The following TMEM68 variants were observed in gnomAD, a reference collection of about 807,000 sequenced individuals.
TMEM68 encodes the protein transmembrane protein 68.
A neutral mutation model predicts 36.9 loss-of-function variants in TMEM68; 25 were observed. That is an observed-to-expected ratio of 0.68 (90% CI 0.49 to 0.95). The LOEUF (loss-of-function observed/expected upper bound fraction) is 0.95, where lower values mean the gene tolerates loss of function less well. TMEM68 is among the 40% of genes least tolerant of loss of function. TMEM68 has a pLI of 0.00. For synonymous variants in TMEM68, 131 were observed against 124.4 expected (o/e 1.05, Z -0.35); for missense variants, 333 against 392.0 (o/e 0.85, Z 1.27).
intron 3 of TMEM68, among the ~76,000 whole-genome samples, chr8:55,758,843 G>C (rs901164904): frequency 5.3e-5 from 8 of 152,034 alleles, no homozygotes; most frequent in African/African-American, 1.9e-4. Context: ...AAAGGATCTA[G>C]TGGAAAAGGT....
At chr8:55,765,238 T>C (rs1367676350) in intron 1 of TMEM68, among the ~76,000 whole-genome samples, 1 of 152,158 alleles carries the variant, frequency 6.6e-6, no homozygotes, top group Non-Finnish European at 1.5e-5. Context: ...CAGACCCTCT[T>C]CCATTAAACA....
rs1810848643 is a variant in TMEM68, at chr8:55,763,015, C to T, written c.-56G>A. ...TTCTTTCTTCATTGCCATAGCAGGT[C>T]GCTAATTTTGACACTAGAAGGGAAA... On this transcript the variant is annotated 5_prime_UTR_variant, in exon 3 of 8. Coordinates refer to ENST00000434581, the MANE Select transcript of TMEM68 (RefSeq NM_001286657.2). The T allele has an allele frequency of 4.0e-6, 6 of 1,516,460 alleles. No individual in the cohort carries two copies. The highest frequency in any genetic ancestry group is 2.3e-5 in the East Asian group (1 of 43,748). 93.9% of individuals were successfully genotyped at this position (1,516,460 alleles called of 1,614,324 possible).
rs151279599 is a variant in TMEM68, at chr8:55,747,771, A to G, written c.688-2650T>C. The G allele has an allele frequency of 1.4e-4, 22 of 152,332 alleles. 2 individuals carry two copies. The East Asian group carries it at 4.2e-3, about 29-fold the overall frequency. 9.4% of individuals were successfully genotyped at this position (152,332 alleles called of 1,614,324 possible). A position where few individuals can be genotyped will look rare whatever the true frequency, so the allele number is the denominator to read the frequency against. ...TAGTTTTGTAAAATAAAATATTAGT[A>G]TGGCTGAAATCCTAATGTTTTAAAT... On this transcript the variant is annotated intron_variant, in intron 5 of 7. Coordinates refer to ENST00000434581, the MANE Select transcript of TMEM68 (RefSeq NM_001286657.2).
intron 1 of TMEM68, among the ~76,000 whole-genome samples, chr8:55,765,016 G>A (rs933618970): frequency 5.3e-5 from 8 of 152,122 alleles, no homozygotes; most frequent in Non-Finnish European, 1.0e-4. Context: ...AGGTTGCAGC[G>A]AGCCGAGATT....
intron 1 of TMEM68, among the ~76,000 whole-genome samples, chr8:55,772,012 ACT>A (rs1419325028): frequency 2.0e-5 from 3 of 151,786 alleles, no homozygotes; most frequent in Non-Finnish European, 4.4e-5. Flanking sequence ...AAAATCTTCC[ACT>A]CTGTTTCATA....
intron 4 of TMEM68, among the ~76,000 whole-genome samples, chr8:55,753,445 T>C (rs1320328040): frequency 1.3e-5 from 2 of 152,244 alleles, no homozygotes; most frequent in African/African-American, 2.4e-5. Context: ...ATAATGATGT[T>C]CTGTTTTTTA....
At position 55,740,222 on chromosome 8, in the gene TMEM68, T is replaced by A. The variant is rs774769892; in HGVS notation, c.889-4A>T. The A allele has an allele frequency of 5.6e-6, 9 of 1,610,492 alleles. No homozygotes were observed. Among genetic ancestry groups the A allele is most frequent in the Non-Finnish European group, 7.6e-6 (9 of 1,178,104 alleles). On this transcript the variant is annotated splice_region_variant and splice_polypyrimidine_tract_variant and intron_variant, in intron 7 of 7. Transcript: ENST00000434581. The stretch of plus-strand genomic sequence containing the variant: ...AAGCTTGAACAGCATTCTTCGTCTA[T>A]TAAGAAAACAAAAGAAAAGCTATTG...
chr8:55,767,535 A>C (rs1811009850), intron 1 of TMEM68, among the ~76,000 whole-genome samples: 1 of 152,194 alleles, frequency 6.6e-6, no homozygotes, highest in African/African-American at 2.4e-5. Flanking sequence ...AGGAGGATAC[A>C]GGGTATAAGT....
At chr8:55,771,109 G>A (rs1166784802) in intron 1 of TMEM68, among the ~76,000 whole-genome samples, 4 of 149,822 alleles carry the variant, frequency 2.7e-5, no homozygotes, top group African/African-American at 2.5e-5. Flanking sequence ...AGCCAAGATC[G>A]CACCATTGCA....
Position 55,740,103 on chromosome 8 carries a change from T to A in TMEM68, c.*29A>T, listed in dbSNP as rs752248379. ...ATACAAACATTTAATATAAATGTACTAAATCATCTTCTAGTTGACCCTTTG... is the reference window on the plus strand; with the variant it reads ...ATACAAACATTTAATATAAATGTACAAAATCATCTTCTAGTTGACCCTTTG... On this transcript the variant is annotated 3_prime_UTR_variant, in exon 8 of 8. Coordinates refer to ENST00000434581, the MANE Select transcript of TMEM68 (RefSeq NM_001286657.2). 28 of 1,566,760 alleles carry A rather than the reference T, an allele frequency of 1.8e-5. No individual in the cohort carries two copies. The highest frequency in any genetic ancestry group is 4.1e-5 in the African/African-American group (3 of 73,808).
At chr8:55,747,520 T>C (rs761459345) in intron 5 of TMEM68, 1 of 152,154 alleles carries the variant, frequency 6.6e-6, no homozygotes, top group Non-Finnish European at 1.5e-5. Context: ...TTTGTAGAGA[T>C]GGGTTCTTGC....
Position 55,762,786 on chromosome 8 carries a change from G to C in TMEM68, c.174C>G (p.Tyr58Ter), listed in dbSNP as rs754953539. The change falls in exon 3 of 8, where the codon TAC becomes TAG. Residue 58 changes from tyrosine (Y) to a stop codon, truncating the protein, a stop_gained. Coordinates refer to ENST00000434581, the MANE Select transcript of TMEM68 (RefSeq NM_001286657.2). LOFTEE classifies it high-confidence loss of function. ...TAAGGTAGAGAAGAAAGATAGTAAA[G>C]TAAGGAAGTATTAAAAGTATTAGTG... ...FTPLILLILP[Y>*]FTIFLLYLTI... 6.2e-7 allele frequency: 1 copy of C among 1,614,026 alleles called. No homozygotes were observed. The highest frequency in any genetic ancestry group is 1.1e-5 in the South Asian group (1 of 91,064).
chr8:55,752,039 C>A (rs1810438891), intron 4 of TMEM68, among the ~76,000 whole-genome samples: 1 of 151,316 alleles, frequency 6.6e-6, no homozygotes, highest in Non-Finnish European at 1.5e-5. Flanking sequence ...TGAAACCCTG[C>A]CTCTACTAAA....
chr8:55,760,295 GATCCAC>G (rs1468959804), intron 3 of TMEM68, among the ~76,000 whole-genome samples: 1 of 152,236 alleles, frequency 6.6e-6, no homozygotes, highest in Non-Finnish European at 1.5e-5. Flanking sequence ...CTAGCCATAA[GATCCAC>G]ATTCCCTTCC....
rs1810843009 is a variant in TMEM68 at position 55,762,891 on chromosome 8, G to A, written c.69C>T (p.His23=). ...DSVPYMICLI[H]ILEEWFGVEQ... ...CCACACCAAACCATTCTTCGAGTAT[G>A]TGAATCAGACAAATCATATAGGGCA... is the stretch of plus-strand genomic sequence containing the variant. Residue 23 remains histidine (H), a synonymous_variant, in exon 3 of 8, where the codon CAC becomes CAT. Coordinates refer to ENST00000434581, the MANE Select transcript of TMEM68 (RefSeq NM_001286657.2). 1 of 1,614,158 alleles carries A rather than the reference G, an allele frequency of 6.2e-7. No individual in the cohort carries two copies. Among genetic ancestry groups the A allele is most frequent in the Non-Finnish European group, 8.5e-7 (1 of 1,180,024 alleles).
rs117881412 is a variant in TMEM68, at chr8:55,768,723, G to A, written c.-115+4546C>T. 2.6e-3 allele frequency among the ~76,000 whole-genome samples: 397 copies of A among 152,080 alleles called. 1 individual carries two copies. The highest frequency in any genetic ancestry group is 4.7e-3 in the Non-Finnish European group (319 of 67,992). ...TAGCCAGGTGTGGTGATGCATTCCT[G>A]TAATCTCAGCTACTCGGGAGGCTGA... On this transcript the variant is annotated intron_variant, in intron 1 of 7. Coordinates refer to ENST00000434581, the MANE Select transcript of TMEM68 (RefSeq NM_001286657.2).
chr8:55,770,939 T>G (rs1585739921), intron 1 of TMEM68, among the ~76,000 whole-genome samples: 1 of 152,160 alleles, frequency 6.6e-6, no homozygotes, highest in East Asian at 1.9e-4. Context: ...GAGGATCACC[T>G]GAGGTCGGGA....
intron 3 of TMEM68, chr8:55,762,378 A>G (rs1810820805): frequency 2.2e-6 from 1 of 456,414 alleles, no homozygotes. Flanking sequence ...TGTTTTAAAT[A>G]TAAATTTTCT....
chr8:55,755,477 G>A lies in TMEM68; in HGVS notation c.493+767C>T, dbSNP rs532331730. On this transcript the variant is annotated intron_variant, in intron 4 of 7. Transcript: ENST00000434581. ...AGTAGAGACGGGGTTTCACCATGTT[G>A]GCCAGGCTGGTTTTGAACTCCTGAC... Among the ~76,000 whole-genome samples, 301 of 151,918 alleles carry A rather than the reference G, an allele frequency of 2.0e-3. 1 individual carries two copies. Among genetic ancestry groups the A allele is most frequent in the African/African-American group, 6.8e-3 (281 of 41,432 alleles).
Sources: allele counts gnomAD v4.1 joint callset (sites outside exome capture counted in the v4.1 genomes callset), GRCh38; gene constraint gnomAD v4.1.1; transcripts MANE v1.5; gene names NCBI Gene and HGNC (gene_info 2026-07-23, HGNC 2026-07-21).